The following AFAP1L2 variants were observed in gnomAD, a reference collection of about 807,000 sequenced individuals.
AFAP1L2 encodes the protein actin filament-associated protein 1-like 2.
In AFAP1L2, 46 loss-of-function variants were observed where a neutral mutation model predicts 99.3. The observed-to-expected ratio is 0.46, with a 90% CI of 0.37 to 0.59. The LOEUF (loss-of-function observed/expected upper bound fraction) is 0.59, where lower values mean the gene tolerates loss of function less well. Among genes scored for constraint, AFAP1L2 ranks in the 20% least tolerant of loss-of-function variants. AFAP1L2 has a pLI of 0.00. For missense variants in AFAP1L2, 959 were observed against 1,034.9 expected (o/e 0.93, Z 1.01); for synonymous variants, 397 against 419.1 (o/e 0.95, Z 0.64).
At chr10:114,373,524 C>T (rs1201326275) in intron 1 of AFAP1L2, among the ~76,000 whole-genome samples, 1 of 152,132 alleles carries the variant, frequency 6.6e-6, no homozygotes, top group Non-Finnish European at 1.5e-5. Flanking sequence ...ACTTGGGAAC[C>T]TGAGGCAGGA....
chr10:114,358,970 C>T (rs1016005092), intron 1 of AFAP1L2, among the ~76,000 whole-genome samples: 21 of 152,028 alleles, frequency 1.4e-4, no homozygotes, highest in Admixed American at 4.6e-4. Flanking sequence ...ATCTAAGAGA[C>T]GACTGTTCGC....
intron 1 of AFAP1L2, among the ~76,000 whole-genome samples, chr10:114,374,837 G>A (rs2054588391): frequency 7.3e-6 from 1 of 137,790 alleles, no homozygotes; most frequent in African/African-American, 2.6e-5. Flanking sequence ...GATGGGGGCA[G>A]AGGGAGGGAG....
intron 1 of AFAP1L2, among the ~76,000 whole-genome samples, chr10:114,373,317 C>T (rs775281465): frequency 6.6e-6 from 1 of 152,054 alleles, no homozygotes; most frequent in South Asian, 2.1e-4. Flanking sequence ...GAGGAAAATC[C>T]CTTCCTCCCC....
the AFAP1L2 span, among the ~76,000 whole-genome samples, chr10:114,288,323 A>G: frequency 1.3e-5 from 2 of 152,090 alleles, no homozygotes; most frequent in Non-Finnish European, 2.9e-5. Flanking sequence ...TTGTAATTCT[A>G]TGTTCATTTC....
intron 1 of AFAP1L2, among the ~76,000 whole-genome samples, chr10:114,360,577 A>G (rs61093216): frequency 0.073 from 10,710 of 145,832 alleles, 1,129 homozygotes; most frequent in African/African-American, 0.24. Flanking sequence ...GGACAGACAG[A>G]TAGACAGACC....
At chr10:114,340,532 G>C in intron 2 of AFAP1L2, 71 bp downstream of exon 2, 3 of 1,522,526 alleles carry the variant, frequency 2.0e-6, no homozygotes, top group Non-Finnish European at 2.7e-6. Flanking sequence ...CTTAGCTATG[G>C]CAGCCCGCAC....
chr10:114,305,625 G>GGATGCAGATGCAGAAGGA (rs2042140071), intron 10 of AFAP1L2, among the ~76,000 whole-genome samples: 1 of 128,282 alleles, frequency 7.8e-6, no homozygotes, highest in Non-Finnish European at 1.7e-5. Context: ...ATGCAGGAGG[G>GGATGCAGATGCAGAAGGA]GATGCAGATG....
chr10:114,384,040 CAAAG>C (rs200879480), intron 1 of AFAP1L2, among the ~76,000 whole-genome samples: 8 of 152,128 alleles, frequency 5.3e-5, no homozygotes, highest in Admixed American at 2.0e-4. Context: ...CATCCAATGA[CAAAG>C]GATGCAACAA....
At chr10:114,288,427 G>A in the AFAP1L2 span, among the ~76,000 whole-genome samples, 2 of 152,254 alleles carry the variant, frequency 1.3e-5, no homozygotes, top group Non-Finnish European at 2.9e-5. Flanking sequence ...TACTGGGGAT[G>A]GATGAAGGCA....
At chr10:114,284,494 A>G in the AFAP1L2 span, among the ~76,000 whole-genome samples, 2 of 152,204 alleles carry the variant, frequency 1.3e-5, no homozygotes, top group Admixed American at 6.5e-5. Flanking sequence ...GAGGCCATTA[A>G]GACAACCCTG....
intron 1 of AFAP1L2, chr10:114,393,626 G>C (rs990077258): frequency 5.9e-5 from 9 of 152,158 alleles, no homozygotes; most frequent in African/African-American, 1.9e-4. Flanking sequence ...AGTGAGTCAG[G>C]CTTTGTAAGG....
At chr10:114,302,576 C>T (rs987483691) in intron 11 of AFAP1L2, 92 bp from the exon 12 acceptor site, 8 of 1,516,338 alleles carry the variant, frequency 5.3e-6, no homozygotes, top group Admixed American at 3.7e-5. Context: ...ACCCCTACCC[C>T]TGAGCCTGCC....
chr10:114,383,296 A>G (rs1464168335), intron 1 of AFAP1L2, among the ~76,000 whole-genome samples: 1 of 152,018 alleles, frequency 6.6e-6, no homozygotes, highest in Non-Finnish European at 1.5e-5. Flanking sequence ...GGGGTTGGAA[A>G]GGAGCAGGCA....
At chr10:114,310,771 T>A (rs1347175623) in intron 7 of AFAP1L2, among the ~76,000 whole-genome samples, 2 of 152,010 alleles carry the variant, frequency 1.3e-5, no homozygotes, top group Admixed American at 6.6e-5. Flanking sequence ...GCCCCTTTCC[T>A]GCCACCATTC....
downstream of AFAP1L2, among the ~76,000 whole-genome samples, chr10:114,292,894 A>C (rs1177430187): frequency 6.6e-6 from 1 of 152,046 alleles, no homozygotes; most frequent in Non-Finnish European, 1.5e-5. Flanking sequence ...TTAGTTAGAG[A>C]CAGGGTTTCA....
chr10:114,347,654 G>A lies in AFAP1L2; in HGVS notation c.17-6923C>T, dbSNP rs556256155. ...TGGTCTCAAGTAGCTGGGACTATAG[G>A]CATGTACCACCACGCCCTGCTAATT... is the stretch of plus-strand genomic sequence containing the variant. On this transcript the variant is annotated intron_variant, in intron 1 of 18. Coordinates refer to ENST00000304129, the MANE Select transcript of AFAP1L2 (RefSeq NM_001001936.3). Among the ~76,000 whole-genome samples, 236 of 152,038 alleles carry A rather than the reference G, an allele frequency of 1.6e-3. 1 individual carries two copies. The highest frequency in any genetic ancestry group is 2.8e-3 in the Non-Finnish European group (188 of 67,986).
chr10:114,368,909 C>T (rs1046773323), intron 1 of AFAP1L2, among the ~76,000 whole-genome samples: 2 of 151,692 alleles, frequency 1.3e-5, no homozygotes, highest in African/African-American at 4.8e-5. Context: ...ACACTGTATA[C>T]CTTAAATGTA....
intron 1 of AFAP1L2, among the ~76,000 whole-genome samples, chr10:114,372,870 A>T (rs969829400): frequency 6.6e-6 from 1 of 152,220 alleles, no homozygotes; most frequent in African/African-American, 2.4e-5. Context: ...ATTTTATACA[A>T]GTAAGCTCAC....
At chr10:114,376,933 G>A (rs779163972) in intron 1 of AFAP1L2, among the ~76,000 whole-genome samples, 1 of 152,194 alleles carries the variant, frequency 6.6e-6, no homozygotes, top group African/African-American at 2.4e-5. Flanking sequence ...TGAGCTAGGA[G>A]GGATAGGAGC....
Sources: allele counts gnomAD v4.1 joint callset (sites outside exome capture counted in the v4.1 genomes callset), GRCh38; gene constraint gnomAD v4.1.1; transcripts MANE v1.5; gene names NCBI Gene and HGNC (gene_info 2026-07-23, HGNC 2026-07-21).